Variants in GRK5 observed in about 807,000 individuals in gnomAD.
GRK5 encodes G protein-coupled receptor kinase 5.
Under a neutral mutation model 78.4 loss-of-function variants are expected in GRK5, and 40 were observed. The ratio of observed to expected loss-of-function variants is 0.51; its 90% CI spans 0.40 to 0.66. The LOEUF is 0.66. GRK5 is among the 30% of genes least tolerant of loss of function. The probability of loss-of-function intolerance (pLI) is 0.00; values close to 1 mark genes in which losing one functional copy is unlikely to be tolerated. For missense variants in GRK5, 598 were observed against 759.9 expected, an observed-to-expected ratio of 0.79 and a Z score of 2.50; for synonymous variants, 289 against 296.8, an observed-to-expected ratio of 0.97 and a Z score of 0.27.
intron 2 of GRK5, among the ~76,000 whole-genome samples, chr10:119,343,918 T>C (rs1395828128): frequency 6.6e-6 from 1 of 152,014 alleles, no homozygotes; most frequent in Non-Finnish European, 1.5e-5. Context: ...GTGTACGGCG[T>C]TTCTCAAGTA....
chr10:119,211,739 T>C (rs1848488941), intron 1 of GRK5: 2 of 152,234 alleles, frequency 1.3e-5, no homozygotes, highest in South Asian at 4.1e-4. Flanking sequence ...CTTGGCTGGA[T>C]CTTCCTGATC....
At chr10:119,232,724 G>A (rs1364106768) in intron 1 of GRK5, among the ~76,000 whole-genome samples, 1 of 152,184 alleles carries the variant, frequency 6.6e-6, no homozygotes, top group African/African-American at 2.4e-5. Flanking sequence ...CTCCCACCAT[G>A]ATTATGAGGC....
intron 1 of GRK5, among the ~76,000 whole-genome samples, chr10:119,290,208 A>G (rs1449676218): frequency 2.0e-5 from 3 of 151,974 alleles, no homozygotes; most frequent in Non-Finnish European, 4.4e-5. Context: ...TTAGCCAGGC[A>G]TGTTGGCGGG....
intron 1 of GRK5, among the ~76,000 whole-genome samples, chr10:119,245,376 A>C (rs987998507): frequency 6.6e-6 from 1 of 152,226 alleles, no homozygotes; most frequent in African/African-American, 2.4e-5. Context: ...AAACAACCTC[A>C]AAGTCTATAG....
At chr10:119,251,909 C>G (rs1002737255) in intron 1 of GRK5, among the ~76,000 whole-genome samples, 1 of 152,228 alleles carries the variant, frequency 6.6e-6, no homozygotes, top group Non-Finnish European at 1.5e-5. Flanking sequence ...AATTTGCAAG[C>G]TGCTTCTCCG....
At chr10:119,443,831 C>A in intron 12 of GRK5, 79 bp downstream of exon 12, 1 of 1,251,440 alleles carries the variant, frequency 8.0e-7, no homozygotes, top group Non-Finnish European at 1.1e-6. Flanking sequence ...GTCCCCAGAA[C>A]AGCAAACAGG....
At chr10:119,289,734 A>G (rs1472162582) in intron 1 of GRK5, among the ~76,000 whole-genome samples, 1 of 152,148 alleles carries the variant, frequency 6.6e-6, no homozygotes, top group Non-Finnish European at 1.5e-5. Flanking sequence ...GTTTTATTTT[A>G]GGCACCGGCT....
chr10:119,304,309 T>TTTTTTCA (rs1850236456), intron 1 of GRK5, among the ~76,000 whole-genome samples: 1 of 84,254 alleles, frequency 1.2e-5, no homozygotes, highest in African/African-American at 3.8e-5. Flanking sequence ...TTTTTTTTTT[T>TTTTTTCA]GACAGGGTCT....
In GRK5 at chr10:119,455,340, G is replaced by A. The variant is rs747592140; in HGVS notation, c.*273G>A. On this transcript the variant is annotated 3_prime_UTR_variant, in exon 16 of 16. Transcript: ENST00000392870. The stretch of plus-strand genomic sequence containing the variant: ...TCCAATTGGATACGACAACTTGCAC[G>A]TATTTTAATAGCGTCATAACTAGAA... 8 of 641,470 alleles carry A rather than the reference G, an allele frequency of 1.2e-5. No individual in the cohort carries two copies. The highest frequency in any genetic ancestry group is 6.8e-5 in the Admixed American group (3 of 44,310). The allele number at this position is 641,470 out of a possible 1,614,324, so 39.7% of individuals were successfully genotyped here. A position where few individuals can be genotyped will look rare whatever the true frequency, so the allele number is the denominator to read the frequency against.
intron 1 of GRK5, among the ~76,000 whole-genome samples, chr10:119,277,222 CCAGA>C (rs1370130058): frequency 2.0e-5 from 3 of 152,150 alleles, no homozygotes; most frequent in African/African-American, 7.2e-5. Flanking sequence ...ATCATTTCGG[CCAGA>C]CCCCCAAGAG....
intron 1 of GRK5, among the ~76,000 whole-genome samples, chr10:119,261,158 G>A (rs902252269): frequency 4.4e-4 from 65 of 149,148 alleles, no homozygotes; most frequent in African/African-American, 1.5e-3. Flanking sequence ...GCTGCCGGGC[G>A]GAGAGGCTCC....
chr10:119,237,463 CAAT>C (rs1361949911), intron 1 of GRK5, among the ~76,000 whole-genome samples: 1 of 152,132 alleles, frequency 6.6e-6, no homozygotes, highest in Non-Finnish European at 1.5e-5. Context: ...AACATAATTT[CAAT>C]AGGCACTGAT....
In GRK5 at chr10:119,207,691, CAG is replaced by C. The variant is rs1848407407; in HGVS notation, c.-224_-223del. On this transcript the variant is annotated 5_prime_UTR_variant, in exon 1 of 16. Coordinates refer to ENST00000392870, the MANE Select transcript of GRK5 (RefSeq NM_005308.3). ...GTTGAGGGAGGGGGGAGGGGGGACA[CAG>C]AGGGAGGAAGAAGCGGCGGCGGCGG... The C allele has an allele frequency of 1.2e-5, 5 of 402,762 alleles. No homozygotes were observed. The highest frequency in any genetic ancestry group is 4.9e-5 in the East Asian group (1 of 20,534). 24.9% of individuals were successfully genotyped at this position (402,762 alleles called of 1,614,324 possible). A position where few individuals can be genotyped will look rare whatever the true frequency, so the allele number is the denominator to read the frequency against.
At chr10:119,299,086 T>C (rs945146758) in intron 1 of GRK5, among the ~76,000 whole-genome samples, 1 of 152,220 alleles carries the variant, frequency 6.6e-6, no homozygotes, top group Non-Finnish European at 1.5e-5. Context: ...CAGGTATTCA[T>C]TGACCAGCAG....
chr10:119,391,536 G>A (rs75985698), intron 3 of GRK5, among the ~76,000 whole-genome samples: 6,941 of 152,228 alleles, frequency 0.046, 232 homozygotes, highest in African/African-American at 0.092. Flanking sequence ...CCACCACCCC[G>A]CAACCTGCAG....
intron 3 of GRK5, among the ~76,000 whole-genome samples, chr10:119,388,124 ATT>A (rs879773133): frequency 6.9e-6 from 1 of 145,198 alleles, no homozygotes; most frequent in East Asian, 2.0e-4. Flanking sequence ...GGCTAATTAA[ATT>A]TTTTTTTTTT....
chr10:119,440,876 C>T (rs891877480), intron 10 of GRK5, among the ~76,000 whole-genome samples: 2 of 152,154 alleles, frequency 1.3e-5, no homozygotes, highest in Admixed American at 6.5e-5. Context: ...GATCTTCCCA[C>T]CTGCACAGAG....
chr10:119,387,937 T>C (rs1244624069), intron 3 of GRK5, among the ~76,000 whole-genome samples: 1 of 125,136 alleles, frequency 8.0e-6, no homozygotes, highest in East Asian at 2.3e-4. Flanking sequence ...AAATGAAAGA[T>C]TAAAAAAATA....
At chr10:119,311,562 G>A (rs1360044674) in intron 1 of GRK5, among the ~76,000 whole-genome samples, 3 of 152,160 alleles carry the variant, frequency 2.0e-5, no homozygotes. Flanking sequence ...CAAGGCAGGT[G>A]GATCACTTGA....
Sources: allele counts gnomAD v4.1 joint callset (sites outside exome capture counted in the v4.1 genomes callset), GRCh38; gene constraint gnomAD v4.1.1; transcripts MANE v1.5; gene names NCBI Gene and HGNC (gene_info 2026-07-23, HGNC 2026-07-21).